The following SCFD2 variants were observed in gnomAD, a reference collection of about 807,000 sequenced individuals.
SCFD2 encodes sec1 family domain containing 2, also known as sec1 family domain-containing protein 2.
In SCFD2, 54 loss-of-function variants were observed where a neutral mutation model predicts 58.9. The ratio of observed to expected loss-of-function variants is 0.92; its 90% CI spans 0.74 to 1.15. The LOEUF is 1.15. SCFD2 is among the 50% of genes most tolerant of loss of function. SCFD2 has a pLI of 0.00. For synonymous variants in SCFD2, 321 were observed against 335.9 expected, an observed-to-expected ratio of 0.96 and a Z score of 0.49; for missense variants, 805 against 836.6, an observed-to-expected ratio of 0.96 and a Z score of 0.47.
intron 4 of SCFD2, among the ~76,000 whole-genome samples, chr4:53,269,333 T>A (rs1326807427): frequency 6.6e-6 from 1 of 151,686 alleles, no homozygotes; most frequent in African/African-American, 2.4e-5. Flanking sequence ...CAAAAAAATT[T>A]AAAAAAGAAC....
chr4:52,885,837 G>A lies in SCFD2; in HGVS notation c.1872C>T (p.Pro624=), dbSNP rs374773680. 4 of 1,613,950 alleles carry A rather than the reference G, an allele frequency of 2.5e-6. No homozygotes were observed. Among genetic ancestry groups the A allele is most frequent in the Admixed American group, 3.3e-5 (2 of 59,996 alleles). The change falls in exon 8 of 9, where the codon CCC becomes CCT. Residue 624 remains proline (P), a synonymous_variant. Coordinates refer to ENST00000401642, the MANE Select transcript of SCFD2 (RefSeq NM_152540.4). ...KVSRPHPSDY[P]LLILFVVGGV... ...CACCTACCACAAAGAGGATCAGGAG[G>A]GGGTAGTCACTAGGATGAGGCCGGC...
intron 5 of SCFD2, among the ~76,000 whole-genome samples, chr4:52,974,607 T>C (rs1384320254): frequency 2.0e-5 from 3 of 152,160 alleles, no homozygotes; most frequent in Non-Finnish European, 4.4e-5. Context: ...AGGTAATTTA[T>C]AGATTCAATG....
At chr4:53,316,198 TG>T (rs1379443119) in intron 2 of SCFD2, among the ~76,000 whole-genome samples, 1 of 152,230 alleles carries the variant, frequency 6.6e-6, no homozygotes, top group Non-Finnish European at 1.5e-5. Context: ...AATTACCAGC[TG>T]ACTTATTATG....
intron 2 of SCFD2, among the ~76,000 whole-genome samples, chr4:53,316,001 C>T (rs1452948372): frequency 6.6e-6 from 1 of 152,032 alleles, no homozygotes; most frequent in Non-Finnish European, 1.5e-5. Context: ...ATTCTTCTCC[C>T]GTATTCCAAG....
intron 4 of SCFD2, among the ~76,000 whole-genome samples, chr4:53,230,065 C>T (rs1157923312): frequency 2.0e-5 from 3 of 152,182 alleles, no homozygotes; most frequent in Non-Finnish European, 2.9e-5. Flanking sequence ...ATCAAAACCA[C>T]AATGAGATAC....
chr4:53,302,041 C>A (rs1254250387), intron 3 of SCFD2, among the ~76,000 whole-genome samples: 1 of 152,126 alleles, frequency 6.6e-6, no homozygotes, highest in African/African-American at 2.4e-5. Flanking sequence ...AAAACGGGCA[C>A]AAGACAGGGA....
At chr4:53,118,622 A>C (rs909670192) in intron 5 of SCFD2, among the ~76,000 whole-genome samples, 2 of 152,200 alleles carry the variant, frequency 1.3e-5, no homozygotes, top group African/African-American at 4.8e-5. Flanking sequence ...GTGCTTACTA[A>C]GGGTGGGCTG....
chr4:53,108,921 A>G (rs1383529763), intron 5 of SCFD2, among the ~76,000 whole-genome samples: 1 of 152,176 alleles, frequency 6.6e-6, no homozygotes, highest in African/African-American at 2.4e-5. Flanking sequence ...AAAAAAAGAA[A>G]AGTTCAGGCC....
At chr4:53,336,308 A>G (rs1045267242) in intron 2 of SCFD2, among the ~76,000 whole-genome samples, 1 of 152,204 alleles carries the variant, frequency 6.6e-6, no homozygotes, top group Non-Finnish European at 1.5e-5. Flanking sequence ...ATAGAAAAAG[A>G]AAGTGATATT....
intron 3 of SCFD2, among the ~76,000 whole-genome samples, chr4:53,276,467 TA>T (rs1731331301): frequency 6.6e-6 from 1 of 152,164 alleles, no homozygotes; most frequent in Non-Finnish European, 1.5e-5. Context: ...TATTTTTTTT[TA>T]ATTTTTATTT....
chr4:52,930,919 G>A (rs558990421), intron 5 of SCFD2, among the ~76,000 whole-genome samples: 23 of 152,058 alleles, frequency 1.5e-4, no homozygotes, highest in Admixed American at 4.6e-4. Context: ...TTCTATTATC[G>A]GCTGTCACCA....
intron 4 of SCFD2, among the ~76,000 whole-genome samples, chr4:53,253,327 G>A (rs1479842023): frequency 6.6e-6 from 1 of 152,140 alleles, no homozygotes; most frequent in Non-Finnish European, 1.5e-5. Flanking sequence ...GGAAGTCAGT[G>A]TGGCGATTCC....
chr4:53,141,229 C>G (rs894804617), intron 5 of SCFD2, among the ~76,000 whole-genome samples: 9 of 152,216 alleles, frequency 5.9e-5, no homozygotes, highest in African/African-American at 1.7e-4. Flanking sequence ...CATAAACACT[C>G]AGGTATACTA....
intron 4 of SCFD2, among the ~76,000 whole-genome samples, chr4:53,181,107 T>C (rs1385432734): frequency 2.0e-5 from 3 of 151,804 alleles, no homozygotes; most frequent in Non-Finnish European, 4.4e-5. Context: ...CCTTCTGAAA[T>C]CAATAGAAAA....
At chr4:53,153,820 G>A (rs1726584089) in intron 4 of SCFD2, among the ~76,000 whole-genome samples, 2 of 152,112 alleles carry the variant, frequency 1.3e-5, no homozygotes, top group African/African-American at 4.8e-5. Context: ...TAGGTTGTTA[G>A]AAGCAACCAT....
intron 8 of SCFD2, among the ~76,000 whole-genome samples, chr4:52,879,969 G>A (rs1718568987): frequency 6.6e-6 from 1 of 152,158 alleles, no homozygotes; most frequent in Non-Finnish European, 1.5e-5. Flanking sequence ...GGCAGCTTTT[G>A]GAGCATATAT....
At chr4:53,226,188 C>A (rs1444759915) in intron 4 of SCFD2, among the ~76,000 whole-genome samples, 1 of 152,052 alleles carries the variant, frequency 6.6e-6, no homozygotes, top group African/African-American at 2.4e-5. Context: ...AATATTATTT[C>A]TTTTCCCACT....
chr4:53,145,973 A>T (rs1039627054), intron 4 of SCFD2, among the ~76,000 whole-genome samples: 9 of 152,328 alleles, frequency 5.9e-5, no homozygotes, highest in Middle Eastern at 6.8e-3. Context: ...TATCCAAATG[A>T]ATGCTGACAC....
chr4:53,229,086 G>A (rs956690951), intron 4 of SCFD2, among the ~76,000 whole-genome samples: 13 of 152,078 alleles, frequency 8.5e-5, no homozygotes, highest in African/African-American at 3.1e-4. Flanking sequence ...CCTCTTCAAG[G>A]AGAACTACAA....
Sources: allele counts gnomAD v4.1 joint callset (sites outside exome capture counted in the v4.1 genomes callset), GRCh38; gene constraint gnomAD v4.1.1; transcripts MANE v1.5; gene names NCBI Gene and HGNC (gene_info 2026-07-23, HGNC 2026-07-21).